PRDM11: variants seen among roughly 807,000 people sequenced by gnomAD.
PRDM11 encodes the protein PR domain-containing protein 11.
A neutral mutation model predicts 97.8 loss-of-function variants in PRDM11; 20 were observed. The ratio of observed to expected loss-of-function variants is 0.20; its 90% CI spans 0.14 to 0.30. PRDM11 has a LOEUF of 0.30. PRDM11 is among the 10% of genes least tolerant of loss of function. The pLI is 1.00. For missense variants in PRDM11, 1,139 were observed against 1,555.2 expected (o/e 0.73, Z 4.50); for synonymous variants, 599 against 637.7 (o/e 0.94, Z 0.91).
intron 4 of PRDM11, among the ~76,000 whole-genome samples, chr11:45,191,274 C>T (rs991119935): frequency 2.6e-5 from 4 of 152,148 alleles, no homozygotes; most frequent in Admixed American, 2.0e-4. Context: ...GTCTTTCTCA[C>T]GGTGTGCCAT....
At chr11:45,200,183 G>C (rs1447828259) in intron 4 of PRDM11, among the ~76,000 whole-genome samples, 2 of 152,152 alleles carry the variant, frequency 1.3e-5, no homozygotes, top group African/African-American at 4.8e-5. Flanking sequence ...GGAAAGATAA[G>C]CCAAAAACAC....
chr11:45,150,183 C>A (rs1355810191), intron 1 of PRDM11, among the ~76,000 whole-genome samples: 2 of 152,200 alleles, frequency 1.3e-5, no homozygotes, highest in Non-Finnish European at 2.9e-5. Context: ...ATTCCACCCC[C>A]TCTCCTGATG....
intron 1 of PRDM11, among the ~76,000 whole-genome samples, chr11:45,124,512 G>A (rs1038811596): frequency 3.9e-5 from 6 of 152,120 alleles, no homozygotes; most frequent in South Asian, 2.1e-4. Context: ...TTTGAGATAC[G>A]TCCCATCAAT....
chr11:45,112,236 G>A (rs1360441579), intron 1 of PRDM11, among the ~76,000 whole-genome samples: 2 of 152,128 alleles, frequency 1.3e-5, no homozygotes, highest in Non-Finnish European at 2.9e-5. Context: ...CTAGAATAAT[G>A]GCCTCCAGCT....
intron 1 of PRDM11, among the ~76,000 whole-genome samples, chr11:45,103,223 C>G (rs995030397): frequency 6.6e-6 from 1 of 152,184 alleles, no homozygotes; most frequent in Non-Finnish European, 1.5e-5. Flanking sequence ...CCCTGACCAC[C>G]CCGCCGGGCC....
intron 1 of PRDM11, among the ~76,000 whole-genome samples, chr11:45,126,433 G>T (rs1417686874): frequency 3.9e-5 from 6 of 152,100 alleles, no homozygotes; most frequent in Non-Finnish European, 7.4e-5. Context: ...TCCTAGCCTT[G>T]ATGGTCTTTA....
chr11:45,186,051 T>C (rs894414626), intron 4 of PRDM11, among the ~76,000 whole-genome samples: 1 of 152,034 alleles, frequency 6.6e-6, no homozygotes, highest in Non-Finnish European at 1.5e-5. Flanking sequence ...AGAAACACAT[T>C]AATTCCCAGA....
intron 5 of PRDM11, among the ~76,000 whole-genome samples, chr11:45,216,689 A>G (rs1052536165): frequency 3.9e-5 from 6 of 152,244 alleles, no homozygotes; most frequent in Admixed American, 6.5e-5. Flanking sequence ...AACAAATACA[A>G]CAAAATCTGA....
intron 1 of PRDM11, among the ~76,000 whole-genome samples, chr11:45,165,046 G>A (rs1852025987): frequency 6.6e-6 from 1 of 152,168 alleles, no homozygotes; most frequent in African/African-American, 2.4e-5. Flanking sequence ...TATGTGGCAG[G>A]GGGCGGGGGT....
chr11:45,224,618 G>C lies in PRDM11; in HGVS notation c.1144G>C (p.Glu382Gln). ...SKEPGQLEDE[E>Q]EEPSSFKADS... ...GGAGCCAGGCCAATTGGAGGATGAA[G>C]AAGAGGAGCCTTCATCATTCAAGGC... Residue 382 changes from glutamate (E) to glutamine (Q), a missense_variant, in exon 7 of 8, where the codon GAA becomes CAA. This residue lies in a region of PRDM11 where 429 missense variants were observed against 510.3 expected (regional missense o/e 0.84). Transcript: ENST00000683152. 1.9e-6 allele frequency: 3 copies of C among 1,614,208 alleles called. No individual in the cohort carries two copies. The highest frequency in any genetic ancestry group is 1.7e-5 in the Admixed American group (1 of 60,028).
rs1230225081 is a variant in PRDM11 at position 45,192,471 on chromosome 11, A to G, written c.486+9348A>G. Among the ~76,000 whole-genome samples the G allele has an allele frequency of 2.6e-5, 4 of 152,216 alleles. No individual in the cohort carries two copies. The South Asian group carries it at 8.3e-4, about 31-fold the overall frequency. On this transcript the variant is annotated intron_variant, in intron 4 of 7. Transcript: ENST00000683152. ...TATTGAATCACAAACCAAACCAAAGATTTCCCCAGGAAAATGTAATATGCT... is the reference window on the plus strand; with the variant it reads ...TATTGAATCACAAACCAAACCAAAGGTTTCCCCAGGAAAATGTAATATGCT...
intron 1 of PRDM11, among the ~76,000 whole-genome samples, chr11:45,128,736 A>C (rs569558658): frequency 6.6e-6 from 1 of 152,338 alleles, no homozygotes; most frequent in East Asian, 1.9e-4. Flanking sequence ...TTTAAGGCAG[A>C]AACAGTGCTA....
intron 1 of PRDM11, among the ~76,000 whole-genome samples, chr11:45,135,341 T>C (rs1852818374): frequency 6.6e-6 from 1 of 152,334 alleles, no homozygotes; most frequent in South Asian, 2.1e-4. Context: ...GATTCATAAA[T>C]ATTTTTTAAA....
chr11:45,109,669 T>C (rs920369777), intron 1 of PRDM11, among the ~76,000 whole-genome samples: 15 of 152,148 alleles, frequency 9.9e-5, no homozygotes, highest in Non-Finnish European at 1.8e-4. Context: ...TGGGAGGAAG[T>C]GCTTTCTGAG....
intron 1 of PRDM11, among the ~76,000 whole-genome samples, chr11:45,140,432 C>G (rs535736044): frequency 1.3e-5 from 2 of 152,338 alleles, no homozygotes; most frequent in South Asian, 4.1e-4. Flanking sequence ...TGCTCTCCAC[C>G]AGCAATGTGG....
chr11:45,197,910 T>C (rs188118708), intron 4 of PRDM11, among the ~76,000 whole-genome samples: 5 of 152,200 alleles, frequency 3.3e-5, no homozygotes, highest in African/African-American at 9.6e-5. Flanking sequence ...TTAGGAGATA[T>C]ACCTAATGTA....
At chr11:45,225,235 T>G in intron 7 of PRDM11, 1 of 802,778 alleles carries the variant, frequency 1.2e-6, no homozygotes, top group Non-Finnish European at 1.6e-6. Context: ...TTCCCTAACT[T>G]AGTCCAGGAA....
intron 7 of PRDM11, 167 bp downstream of exon 7, chr11:45,225,010 C>A (rs927781267): frequency 2.7e-6 from 4 of 1,473,872 alleles, no homozygotes; most frequent in Non-Finnish European, 3.6e-6. Flanking sequence ...GTGTCTCTGG[C>A]AGACCCATCG....
intron 1 of PRDM11, among the ~76,000 whole-genome samples, chr11:45,116,488 G>C (rs772505930): frequency 2.0e-5 from 3 of 152,036 alleles, no homozygotes; most frequent in Non-Finnish European, 4.4e-5. Context: ...ATGACAATAA[G>C]GTATCTAGAA....
Sources: gnomAD v4.1 joint callset for allele counts (sites outside exome capture counted in the v4.1 genomes callset) on GRCh38, gnomAD v4.1.1 for gene constraint, gnomAD v4.1.1 regional missense constraint, MANE v1.5 for transcripts, NCBI Gene and HGNC (gene_info 2026-07-23, HGNC 2026-07-21) for gene names.